PADI2: variants seen among roughly 807,000 people sequenced by gnomAD.
The protein encoded by PADI2 is peptidyl arginine deiminase 2.
PADI2 carries 70 observed loss-of-function variants against 81.1 expected under a neutral mutation model. That is an observed-to-expected ratio of 0.86 (90% CI 0.71 to 1.05). The LOEUF (loss-of-function observed/expected upper bound fraction) is 1.05, where lower values mean the gene tolerates loss of function less well. Ranked by LOEUF, PADI2 falls within the 50% of genes least tolerant of loss-of-function variation. PADI2 has a pLI of 0.00. For missense variants in PADI2, 853 were observed against 889.9 expected (o/e 0.96, Z 0.53); for synonymous variants, 338 against 358.0 (o/e 0.94, Z 0.63).
chr1:17,083,872 A>G (rs1263925707), intron 8 of PADI2, 35 bp from the exon 9 acceptor site: 1 of 1,282,320 alleles, frequency 7.8e-7, no homozygotes, highest in African/African-American at 1.5e-5. Context: ...AGGCCAGGAG[A>G]AAGGGTGAGG....
intron 14 of PADI2, among the ~76,000 whole-genome samples, chr1:17,070,834 G>A (rs1436928239): frequency 1.3e-5 from 2 of 152,164 alleles, no homozygotes; most frequent in Non-Finnish European, 2.9e-5. Context: ...GCTAATTTTT[G>A]TATTTTTGGT....
intron 3 of PADI2, among the ~76,000 whole-genome samples, chr1:17,097,116 C>T (rs751156302): frequency 1.6e-4 from 25 of 152,262 alleles, no homozygotes; most frequent in South Asian, 8.3e-4. Flanking sequence ...GACATGTGCC[C>T]GTTCCAGGTC....
intron 1 of PADI2, among the ~76,000 whole-genome samples, chr1:17,107,847 G>T (rs1450843242): frequency 6.6e-6 from 1 of 152,088 alleles, no homozygotes; most frequent in Non-Finnish European, 1.5e-5. Flanking sequence ...GGTCACTCTG[G>T]TTCTTGTCCT....
intron 11 of PADI2, 90 bp from the exon 12 acceptor site, chr1:17,075,913 AC>A: frequency 8.0e-7 from 1 of 1,246,332 alleles, no homozygotes; most frequent in Non-Finnish European, 1.2e-6. Flanking sequence ...CCCACCTCGG[AC>A]CCAGAGTGAC....
In PADI2 at chr1:17,093,712, C is replaced by T. The variant is rs763718563; in HGVS notation, c.412-28G>A. 49 of 1,339,804 alleles carry T rather than the reference C, an allele frequency of 3.7e-5. No homozygotes were observed. In the South Asian group the frequency reaches 5.4e-4, roughly 15 times the overall value. The allele number at this position is 1,339,804 out of a possible 1,614,324, so 83.0% of individuals were successfully genotyped here. A position where few individuals can be genotyped will look rare whatever the true frequency, so the allele number is the denominator to read the frequency against. Reference sequence around the variant, plus strand: ...ACAGTGGCAGGAAGAAAGGTCAGTGCCCTCTTCTCTATGCTTGTATAGACC... The same window carrying T: ...ACAGTGGCAGGAAGAAAGGTCAGTGTCCTCTTCTCTATGCTTGTATAGACC... On this transcript the variant is annotated intron_variant, in intron 4 of 15. Transcript: ENST00000375486.
At chr1:17,104,743 T>A (rs1361494600) in intron 2 of PADI2, 135 bp downstream of exon 2, 2 of 767,170 alleles carry the variant, frequency 2.6e-6, no homozygotes, top group Non-Finnish European at 3.8e-6. Context: ...TCTTTTTGCC[T>A]TTTCAATGTG....
chr1:17,107,971 A>T (rs1235309030), intron 1 of PADI2, among the ~76,000 whole-genome samples: 1 of 133,202 alleles, frequency 7.5e-6, no homozygotes, highest in African/African-American at 2.9e-5. Flanking sequence ...TTTTTTGAGG[A>T]GGAGTCTCTC....
intron 13 of PADI2, among the ~76,000 whole-genome samples, chr1:17,072,016 C>A (rs920079700): frequency 1.3e-5 from 2 of 152,158 alleles, no homozygotes; most frequent in Admixed American, 1.3e-4. Flanking sequence ...ACTATGTGGC[C>A]GACGCTCTTC....
chr1:17,098,194 T>C (rs1349991383), intron 3 of PADI2, among the ~76,000 whole-genome samples: 1 of 152,190 alleles, frequency 6.6e-6, no homozygotes, highest in African/African-American at 2.4e-5. Flanking sequence ...CTGACCTCCC[T>C]GCAAGCTGTT....
chr1:17,099,107 G>A (rs1931049337), intron 3 of PADI2, among the ~76,000 whole-genome samples: 2 of 152,222 alleles, frequency 1.3e-5, no homozygotes, highest in Admixed American at 1.3e-4. Flanking sequence ...AGTCTGCCCT[G>A]AGAATGAAGA....
rs2101594454 is a variant in PADI2 at position 17,093,575 on chromosome 1, C to T, written c.521G>A (p.Ser174Asn). The T allele has an allele frequency of 6.2e-7, 1 of 1,605,036 alleles. No individual in the cohort carries two copies. The highest frequency in any genetic ancestry group is 2.2e-5 in the East Asian group (1 of 44,820). Residue 174 changes from serine (S) to asparagine (N), a missense_variant, in exon 5 of 16, where the codon AGC becomes AAC. Coordinates refer to ENST00000375486, the MANE Select transcript of PADI2 (RefSeq NM_007365.3). ...KEDCRDEKVY[S>N]KEDLKDMSQM... ...GCAGGGCCTGCTGGCACCTTCCTTG[C>T]TGTAGACCTTCTCATCACGGCAGTC... is the stretch of plus-strand genomic sequence containing the variant.
At chr1:17,091,991 C>T (rs557039143) in intron 6 of PADI2, among the ~76,000 whole-genome samples, 12 of 152,288 alleles carry the variant, frequency 7.9e-5, no homozygotes, top group South Asian at 6.2e-4. Context: ...CTGTTGCCAT[C>T]GAGAGGAGCA....
chr1:17,104,426 C>CTTTTA (rs1233283967), intron 2 of PADI2, among the ~76,000 whole-genome samples: 1 of 98,338 alleles, frequency 1.0e-5, no homozygotes, highest in Non-Finnish European at 2.0e-5. Flanking sequence ...TTCTTTTTGC[C>CTTTTA]TTTTCTTTTT....
chr1:17,091,439 A>G (rs990313923), intron 6 of PADI2, among the ~76,000 whole-genome samples: 4 of 151,924 alleles, frequency 2.6e-5, no homozygotes, highest in African/African-American at 4.8e-5. Flanking sequence ...CTCTAATGGC[A>G]TTCCATTGCA....
intron 3 of PADI2, among the ~76,000 whole-genome samples, chr1:17,100,702 C>T (rs777542424): frequency 6.7e-6 from 1 of 149,178 alleles, no homozygotes; most frequent in Admixed American, 6.7e-5. Context: ...CGCTCTGTCG[C>T]CCAGGCTGGA....
chr1:17,094,820 C>T (rs12754937), intron 4 of PADI2, among the ~76,000 whole-genome samples: 14,416 of 152,270 alleles, frequency 0.095, 887 homozygotes, highest in African/African-American at 0.16. Context: ...TGGAAGCTGT[C>T]GCCCTGGGGC....
Position 17,071,505 on chromosome 1 carries a change from A to G in PADI2, c.1550-14T>C, listed in dbSNP as rs1275290628. The G allele has an allele frequency of 4.4e-6, 7 of 1,604,526 alleles. No homozygotes were observed. Among genetic ancestry groups the G allele is most frequent in the Non-Finnish European group, 6.0e-6 (7 of 1,171,264 alleles). On this transcript the variant is annotated splice_polypyrimidine_tract_variant and intron_variant, in intron 13 of 15. Coordinates refer to ENST00000375486, the MANE Select transcript of PADI2 (RefSeq NM_007365.3). ...TCCCACCCAAGCCTGTGGGGTTCAA[A>G]GGACAGGGGATGGTCAAGCTTTAGA...
chr1:17,079,036 G>A (rs981152246), intron 11 of PADI2: 2 of 390,974 alleles, frequency 5.1e-6, no homozygotes, highest in African/African-American at 4.1e-5. Context: ...CTTTCCACTT[G>A]GGGAAAAGAG....
At chr1:17,090,230 C>A (rs1249142790) in intron 6 of PADI2, among the ~76,000 whole-genome samples, 1 of 152,258 alleles carries the variant, frequency 6.6e-6, no homozygotes, top group Non-Finnish European at 1.5e-5. Context: ...AGCTACTGCA[C>A]TCAGTGCCTG....
Sources: gnomAD v4.1 joint callset for allele counts (sites outside exome capture counted in the v4.1 genomes callset) on GRCh38, gnomAD v4.1.1 for gene constraint, MANE v1.5 for transcripts, NCBI Gene and HGNC (gene_info 2026-07-23, HGNC 2026-07-21) for gene names.